PIP5K1B: variants seen among roughly 807,000 people sequenced by gnomAD.
The protein encoded by PIP5K1B is phosphatidylinositol-4-phosphate 5-kinase type 1 beta.
A neutral mutation model predicts 67.0 loss-of-function variants in PIP5K1B; 42 were observed. That is an observed-to-expected ratio of 0.63 (90% CI 0.49 to 0.81). PIP5K1B has a LOEUF of 0.81. PIP5K1B is among the 30% of genes least tolerant of loss of function. PIP5K1B has a pLI of 0.00. For missense variants in PIP5K1B, 459 were observed against 646.3 expected (o/e 0.71, Z 3.14); for synonymous variants, 214 against 231.4 (o/e 0.92, Z 0.68).
chr9:68,961,728 A>G (rs1828759284), intron 14 of PIP5K1B, among the ~76,000 whole-genome samples: 1 of 152,226 alleles, frequency 6.6e-6, no homozygotes, highest in African/African-American at 2.4e-5. Context: ...CTGGCAGGCT[A>G]GTACCCTCCT....
intron 1 of PIP5K1B, among the ~76,000 whole-genome samples, chr9:68,724,702 C>G (rs539600555): frequency 6.6e-6 from 1 of 151,848 alleles, no homozygotes; most frequent in East Asian, 1.9e-4. Context: ...AGTGGGGTTG[C>G]TTTCTTGATT....
chr9:68,732,446 T>C (rs17057092), intron 1 of PIP5K1B, among the ~76,000 whole-genome samples: 9,768 of 152,236 alleles, frequency 0.064, 579 homozygotes, highest in East Asian at 0.17. Flanking sequence ...TCAAAGGAAA[T>C]TCATTCTCTT....
chr9:68,850,877 G>T (rs566031759), intron 4 of PIP5K1B, among the ~76,000 whole-genome samples: 2 of 152,278 alleles, frequency 1.3e-5, no homozygotes, highest in East Asian at 1.9e-4. Context: ...ATTATACTGT[G>T]TTACATTTAT....
intron 1 of PIP5K1B, among the ~76,000 whole-genome samples, chr9:68,737,143 A>G (rs1169344521): frequency 6.6e-6 from 1 of 152,178 alleles, no homozygotes; most frequent in Non-Finnish European, 1.5e-5. Flanking sequence ...ATTGGTAAAT[A>G]TATAAGGATG....
In PIP5K1B at chr9:68,977,608, G is replaced by A. The variant is rs191734457; in HGVS notation, c.1503-13532G>A. Among the ~76,000 whole-genome samples the A allele has an allele frequency of 3.2e-3, 477 of 150,648 alleles. 5 individuals are homozygous for A. The highest frequency in any genetic ancestry group is 0.011 in the African/African-American group (441 of 41,042). On this transcript the variant is annotated intron_variant, in intron 14 of 15. Transcript: ENST00000265382. ...TTGTCTTGGATGTTATTTTGGTGGC[G>A]TATTTTTTTGCATTTATATATTTCA...
intron 9 of PIP5K1B, among the ~76,000 whole-genome samples, chr9:68,919,161 C>A (rs1376757986): frequency 6.6e-6 from 1 of 151,964 alleles, no homozygotes. Flanking sequence ...TCTAAAAATT[C>A]TTGCTCATAG....
chr9:68,728,613 C>T (rs527674148), intron 1 of PIP5K1B, among the ~76,000 whole-genome samples: 1 of 152,160 alleles, frequency 6.6e-6, no homozygotes, highest in South Asian at 2.1e-4. Context: ...ATAGTAAATG[C>T]CAAGTCCTGA....
chr9:68,931,125 G>C (rs1389486900), intron 12 of PIP5K1B, among the ~76,000 whole-genome samples: 1 of 151,854 alleles, frequency 6.6e-6, no homozygotes, highest in Non-Finnish European at 1.5e-5. Flanking sequence ...ACCCACAAGT[G>C]AGTCATGCTG....
intron 1 of PIP5K1B, among the ~76,000 whole-genome samples, chr9:68,733,274 G>A (rs1438294397): frequency 1.3e-5 from 2 of 152,168 alleles, no homozygotes; most frequent in East Asian, 3.9e-4. Flanking sequence ...CAGTACAATG[G>A]TTAATCTCTT....
intron 4 of PIP5K1B, among the ~76,000 whole-genome samples, chr9:68,858,220 C>A (rs1822883091): frequency 6.6e-6 from 1 of 152,088 alleles, no homozygotes; most frequent in South Asian, 2.1e-4. Context: ...GTGATCCACC[C>A]TCCTCAGCCT....
At position 68,880,534 on chromosome 9, in the gene PIP5K1B, G is replaced by A. The variant is rs140014158; in HGVS notation, c.318+3740G>A. ...TGTACCACTGCACTCCAGCCTGGGCGGCAGAGCAAGACTGCATCTGAAACA... is the reference window on the plus strand; with the variant it reads ...TGTACCACTGCACTCCAGCCTGGGCAGCAGAGCAAGACTGCATCTGAAACA... On this transcript the variant is annotated intron_variant, in intron 6 of 15. Transcript: ENST00000265382. 1.1e-3 allele frequency among the ~76,000 whole-genome samples: 160 copies of A among 151,028 alleles called. 1 individual carries two copies. The highest frequency in any genetic ancestry group is 3.8e-3 in the African/African-American group (154 of 40,990).
chr9:68,856,838 C>T (rs1157754883), intron 4 of PIP5K1B, among the ~76,000 whole-genome samples: 2 of 152,146 alleles, frequency 1.3e-5, no homozygotes, highest in Non-Finnish European at 2.9e-5. Context: ...GGAGTGTGAT[C>T]CACAGAATAA....
chr9:68,823,132 A>T (rs938013740), intron 4 of PIP5K1B, among the ~76,000 whole-genome samples: 1 of 152,210 alleles, frequency 6.6e-6, no homozygotes, highest in Non-Finnish European at 1.5e-5. Context: ...AAATATGGGA[A>T]AATATTAATA....
At chr9:68,933,317 CAGAT>C (rs1158492605) in intron 12 of PIP5K1B, among the ~76,000 whole-genome samples, 1 of 149,670 alleles carries the variant, frequency 6.7e-6, no homozygotes, top group African/African-American at 2.4e-5. Flanking sequence ...TAAAAGTTAG[CAGAT>C]AGAATGTTAA....
At chr9:68,825,278 G>T (rs2132082565) in intron 4 of PIP5K1B, among the ~76,000 whole-genome samples, 1 of 152,308 alleles carries the variant, frequency 6.6e-6, no homozygotes, top group South Asian at 2.1e-4. Flanking sequence ...AGGTGGATAA[G>T]TATGGGTTAA....
chr9:68,922,318 C>A (rs1171806568), intron 11 of PIP5K1B, among the ~76,000 whole-genome samples: 1 of 151,964 alleles, frequency 6.6e-6, no homozygotes, highest in Non-Finnish European at 1.5e-5. Context: ...CAAAAATTAG[C>A]CAAGTGTGGT....
intron 14 of PIP5K1B, among the ~76,000 whole-genome samples, chr9:68,986,943 C>T (rs529821509): frequency 2.0e-5 from 3 of 152,066 alleles, no homozygotes; most frequent in East Asian, 1.9e-4. Flanking sequence ...ATGCATGTAG[C>T]GTCATTTAAA....
intron 14 of PIP5K1B, among the ~76,000 whole-genome samples, chr9:68,990,792 T>C (rs1332873771): frequency 1.3e-5 from 2 of 151,708 alleles, no homozygotes; most frequent in East Asian, 3.9e-4. Flanking sequence ...GCCTCCTGAG[T>C]AGCTGGGACT....
intron 2 of PIP5K1B, chr9:68,788,510 A>G (rs1831765532): frequency 1.1e-5 from 1 of 94,814 alleles, no homozygotes; most frequent in African/African-American, 1.0e-4. Context: ...TTTTTTAGTA[A>G]TAGGTAAAAA....
Sources: gnomAD v4.1 joint callset for allele counts (sites outside exome capture counted in the v4.1 genomes callset) on GRCh38, gnomAD v4.1.1 for gene constraint, MANE v1.5 for transcripts, NCBI Gene and HGNC (gene_info 2026-07-23, HGNC 2026-07-21) for gene names.